The following FARS2 variants were observed in gnomAD, a reference collection of about 807,000 sequenced individuals.
FARS2 encodes the protein phenylalanine--tRNA ligase, mitochondrial.
Under a neutral mutation model 46.4 loss-of-function variants are expected in FARS2, and 40 were observed. The observed-to-expected ratio is 0.86, with a 90% confidence interval of 0.67 to 1.12. The LOEUF is 1.12. Ranked by LOEUF, FARS2 falls within the 50% of genes most tolerant of loss-of-function variation. The pLI is 0.00. For missense variants in FARS2, 513 were observed against 567.9 expected (o/e 0.90, Z 0.98); for synonymous variants, 234 against 214.9 (o/e 1.09, Z -0.78).
At chr6:5,278,963 A>G (rs1277709116) in intron 1 of FARS2, among the ~76,000 whole-genome samples, 3 of 152,180 alleles carry the variant, frequency 2.0e-5, no homozygotes, top group South Asian at 4.1e-4. Context: ...TTGTGGCCCT[A>G]CTGTCCATAC....
rs192426902 is a variant in FARS2 at position 5,374,607 on chromosome 6, C to T, written c.612+5425C>T. ...ACCAAGCTCATTTTATGAGGTTAGACATGTTAATATCCCAACTAGATAAGA... is the reference window on the plus strand; with the variant it reads ...ACCAAGCTCATTTTATGAGGTTAGATATGTTAATATCCCAACTAGATAAGA... On this transcript the variant is annotated intron_variant, in intron 2 of 6. Transcript: ENST00000274680. 2.6e-5 allele frequency among the ~76,000 whole-genome samples: 4 copies of T among 152,012 alleles called. No homozygotes were observed. In the East Asian group the frequency reaches 7.7e-4, roughly 29 times the overall value.
intron 6 of FARS2, among the ~76,000 whole-genome samples, chr6:5,754,429 G>A (rs1251205979): frequency 1.3e-5 from 2 of 152,334 alleles, no homozygotes; most frequent in Admixed American, 1.3e-4. Context: ...AGTATCTCTG[G>A]AAGACTGGGG....
chr6:5,295,503 C>T (rs895125455), intron 1 of FARS2, among the ~76,000 whole-genome samples: 4 of 151,772 alleles, frequency 2.6e-5, no homozygotes, highest in Admixed American at 6.6e-5. Context: ...AATAATAAAA[C>T]GTTTTAAAAA....
chr6:5,406,945 A>G (rs1392139207), intron 3 of FARS2, among the ~76,000 whole-genome samples: 1 of 150,854 alleles, frequency 6.6e-6, no homozygotes, highest in South Asian at 2.1e-4. Flanking sequence ...GTCCAGTGGT[A>G]TGTCAAATAC....
intron 1 of FARS2, among the ~76,000 whole-genome samples, chr6:5,323,456 C>T (rs919757928): frequency 3.9e-5 from 6 of 152,212 alleles, no homozygotes; most frequent in East Asian, 1.9e-4. Flanking sequence ...TATTATGACT[C>T]GAGAGATGCT....
chr6:5,522,350 A>G (rs1338690411), intron 4 of FARS2, among the ~76,000 whole-genome samples: 2 of 152,234 alleles, frequency 1.3e-5, no homozygotes, highest in African/African-American at 4.8e-5. Flanking sequence ...GGGTTAGGCC[A>G]TGCAGCTTCC....
chr6:5,653,267 T>C (rs1051389263), intron 6 of FARS2, among the ~76,000 whole-genome samples: 3 of 152,224 alleles, frequency 2.0e-5, no homozygotes, highest in Non-Finnish European at 4.4e-5. Context: ...TAGCAGTTCT[T>C]CCTACTACAG....
At chr6:5,547,804 T>C (rs1771125258) in intron 5 of FARS2, among the ~76,000 whole-genome samples, 1 of 152,232 alleles carries the variant, frequency 6.6e-6, no homozygotes, top group Non-Finnish European at 1.5e-5. Context: ...GCAGGCTAGC[T>C]CTTCTGCCTA....
At chr6:5,609,974 G>A in intron 5 of FARS2, 5 of 1,266,314 alleles carry the variant, frequency 3.9e-6, no homozygotes, top group Non-Finnish European at 5.7e-6. Flanking sequence ...ACCTTGTGTG[G>A]CCTTGCATTC....
rs939056208 is a variant in FARS2, at chr6:5,564,341, C to CT, written c.1065+19004dup. On this transcript the variant is annotated intron_variant, in intron 5 of 6. Coordinates refer to ENST00000274680, the MANE Select transcript of FARS2 (RefSeq NM_006567.5). The stretch of plus-strand genomic sequence containing the variant: ...CTCCGGGTTATGGGCACCTTACTCA[C>CT]TTTCATTACCCGGCAGAATTTGCAA... Among the ~76,000 whole-genome samples, 20 of 152,190 alleles carry CT rather than the reference C, an allele frequency of 1.3e-4. 1 individual carries two copies. Among genetic ancestry groups the CT allele is most frequent in the South Asian group, 1.0e-3 (5 of 4,826 alleles).
intron 4 of FARS2, among the ~76,000 whole-genome samples, chr6:5,439,053 C>T (rs1307957847): frequency 6.6e-6 from 1 of 152,156 alleles, no homozygotes; most frequent in Non-Finnish European, 1.5e-5. Context: ...GAGCTCTAGG[C>T]TTTGAGTGGG....
chr6:5,386,524 A>T (rs75388445), intron 2 of FARS2, among the ~76,000 whole-genome samples: 1,948 of 152,308 alleles, frequency 0.013, 19 homozygotes, highest in Middle Eastern at 0.034. Context: ...AAGACTGGTG[A>T]TGGAAAGAGT....
intron 6 of FARS2, among the ~76,000 whole-genome samples, chr6:5,755,741 A>G (rs917045261): frequency 1.3e-5 from 2 of 152,134 alleles, no homozygotes; most frequent in South Asian, 4.1e-4. Flanking sequence ...GCATATCCTG[A>G]GACAATCCCC....
At chr6:5,687,196 A>C (rs1462439192) in intron 6 of FARS2, among the ~76,000 whole-genome samples, 1 of 152,072 alleles carries the variant, frequency 6.6e-6, no homozygotes, top group Non-Finnish European at 1.5e-5. Context: ...GAAGCTCTTT[A>C]GTTTAATTAG....
intron 1 of FARS2, among the ~76,000 whole-genome samples, chr6:5,283,371 T>C (rs1411657557): frequency 1.6e-5 from 2 of 123,684 alleles, no homozygotes; most frequent in African/African-American, 3.3e-5. Flanking sequence ...GAAACTCCTG[T>C]CTCAAAAAAA....
intron 1 of FARS2, among the ~76,000 whole-genome samples, chr6:5,299,992 T>C (rs1437795868): frequency 6.6e-6 from 1 of 152,210 alleles, no homozygotes; most frequent in Non-Finnish European, 1.5e-5. Context: ...TTTTTATTTA[T>C]ATATGAGAGC....
intron 1 of FARS2, among the ~76,000 whole-genome samples, chr6:5,324,040 C>T (rs1157524926): frequency 6.6e-6 from 1 of 152,140 alleles, no homozygotes; most frequent in African/African-American, 2.4e-5. Context: ...TGGAAACATG[C>T]CAAGCTTGTG....
Position 5,407,043 on chromosome 6 carries a change from T to TTATA in FARS2, c.772+2363_772+2366dup, listed in dbSNP as rs201074448. Among the ~76,000 whole-genome samples the TTATA allele has an allele frequency of 8.1e-3, 681 of 83,892 alleles. 44 individuals carry two copies. The highest frequency in any genetic ancestry group is 0.027 in the Middle Eastern group (4 of 148). 55.0% of individuals were successfully genotyped at this position (83,892 alleles called of 152,430 possible). ...AATGGGTGAACATGAAGGTGGCAAA[T>TTATA]TATATATATATATATATATATATAA... On this transcript the variant is annotated intron_variant, in intron 3 of 6. Coordinates refer to ENST00000274680, the MANE Select transcript of FARS2 (RefSeq NM_006567.5).
intron 6 of FARS2, among the ~76,000 whole-genome samples, chr6:5,718,502 G>A (rs760102680): frequency 1.3e-5 from 2 of 152,140 alleles, no homozygotes; most frequent in South Asian, 2.1e-4. Context: ...ATTTTCAGAC[G>A]ATGCCACTGT....
Sources: allele counts gnomAD v4.1 joint callset (sites outside exome capture counted in the v4.1 genomes callset), GRCh38; gene constraint gnomAD v4.1.1; transcripts MANE v1.5; gene names NCBI Gene and HGNC (gene_info 2026-07-23, HGNC 2026-07-21).